SPIN3: variants seen among roughly 807,000 people sequenced by gnomAD.
SPIN3 encodes spindlin family member 3, also known as spindlin-3.
For missense variants in SPIN3, 176 were observed against 196.4 expected (o/e 0.90, Z 0.62); for synonymous variants, 74 against 74.3 (o/e 1.00, Z 0.02).
downstream of SPIN3, among the ~76,000 whole-genome samples, chrX:56,987,954 C>T (rs947097821): frequency 1.6e-4 from 18 of 111,761 alleles, no homozygotes; most frequent in African/African-American, 5.2e-4. Flanking sequence ...ATCTGTGCTG[C>T]ACTATGTTAC....
At chrX:56,978,126 TG>T (rs1288108549) in intron 5 of SPIN3, 1 of 111,290 alleles carries the variant, frequency 9.0e-6, no homozygotes, top group East Asian at 2.8e-4. Context: ...ATGGCCTACA[TG>T]TGATGTAGGA....
chrX:56,984,334 T>C (rs1924178458), exon 3 of SPIN3: 1 of 286,342 alleles, frequency 3.5e-6, no homozygotes, highest in Non-Finnish European at 6.6e-6. Context: ...GGAAACCATA[T>C]TGTCCCTCAA....
exon 6 of SPIN3, chrX:56,976,605 C>T (rs908486130): frequency 1.8e-5 from 2 of 111,169 alleles, no homozygotes; most frequent in African/African-American, 6.5e-5. Context: ...TTGTGAGTGG[C>T]TATGGAAACT....
At chrX:56,984,703 A>T (rs1263122464) in intron 2 of SPIN3, among the ~76,000 whole-genome samples, 1 of 110,967 alleles carries the variant, frequency 9.0e-6, no homozygotes, top group Non-Finnish European at 1.9e-5. Context: ...GTCCATGGTC[A>T]TCTGTTGTTC....
Position 56,994,661 on chromosome X carries a change from A to C in SPIN3, c.287T>G (p.Leu96Trp). ...KYDGFDCVYG[L>W]ELHRDERVSS... ...CACTCTTTCATCTCTGTGAAGTTCC[A>C]ATCCATAAACACAGTCAAATCCATC... The change falls in exon 2 of 2, where the codon TTG (leucine) becomes TGG (tryptophan). Residue 96 changes from leucine (L) to tryptophan (W), a missense_variant. Transcript: ENST00000374919. 1 of 1,212,142 alleles carries C rather than the reference A, an allele frequency of 8.2e-7. No homozygotes were observed.
chrX:56,992,612 T>A lies in SPIN3; in HGVS notation c.*1559A>T, dbSNP rs997733362. On this transcript the variant is annotated 3_prime_UTR_variant, in exon 2 of 2. Transcript: ENST00000374919. ...ATTTGGAAGATATCTTGCAGTACAGTCCCAATATGATTGTACTGCCTTGAG... is the reference window on the plus strand; with the variant it reads ...ATTTGGAAGATATCTTGCAGTACAGACCCAATATGATTGTACTGCCTTGAG... 6 of 295,077 alleles carry A rather than the reference T, an allele frequency of 2.0e-5. No homozygotes were observed. The highest frequency in any genetic ancestry group is 1.7e-4 in the African/African-American group (6 of 36,271). 24.3% of individuals were successfully genotyped at this position (295,077 alleles called of 1,213,427 possible).
At chrX:56,989,958 C>T (rs1388333378), downstream of SPIN3, among the ~76,000 whole-genome samples, 1 of 110,076 alleles carries the variant, frequency 9.1e-6, no homozygotes. Context: ...CCAAACCACC[C>T]CCCTCCCCTC....
At chrX:56,978,879 G>A (rs1035427420) in intron 3 of SPIN3, 1 of 111,624 alleles carries the variant, frequency 9.0e-6, no homozygotes, top group Non-Finnish European at 1.9e-5. Context: ...ATGATCTTAT[G>A]TGGAGTCTTG....
downstream of SPIN3, among the ~76,000 whole-genome samples, chrX:56,986,853 C>T (rs957905081): frequency 8.9e-6 from 1 of 112,092 alleles, no homozygotes; most frequent in Non-Finnish European, 1.9e-5. Flanking sequence ...TATTTAAGGC[C>T]GGGCATGGTG....
At chrX:56,977,462 AG>A (rs1190818276) in intron 5 of SPIN3, 1 of 112,181 alleles carries the variant, frequency 8.9e-6, no homozygotes, top group African/African-American at 3.2e-5. Flanking sequence ...TTTATAGAGG[AG>A]GATATATACT....
Position 56,992,182 on chromosome X carries a change from G to A in SPIN3, c.*1989C>T, listed in dbSNP as rs1924358035. On this transcript the variant is annotated 3_prime_UTR_variant, in exon 2 of 2. Transcript: ENST00000374919. ...GGTTCCTTCAGCAGCTGCAGCCTTG[G>A]CTGTCTTCCTCTTGACTGGGTGAAG... The A allele has an allele frequency of 6.7e-6, 2 of 297,545 alleles. No individual in the cohort carries two copies. Among genetic ancestry groups the A allele is most frequent in the Non-Finnish European group, 1.2e-5 (2 of 170,332 alleles). 24.5% of individuals were successfully genotyped at this position (297,545 alleles called of 1,213,427 possible).
intron 3 of SPIN3, chrX:56,982,254 C>G (rs1924136822): frequency 9.0e-6 from 1 of 111,166 alleles, no homozygotes; most frequent in African/African-American, 3.3e-5. Flanking sequence ...AACTCCTGCC[C>G]AGATTCAGGG....
chrX:56,994,911 G>C lies in SPIN3; in HGVS notation c.37C>G (p.Arg13Gly). 1.7e-6 allele frequency: 2 copies of C among 1,202,736 alleles called. No homozygotes were observed. Among genetic ancestry groups the C allele is most frequent in the Non-Finnish European group, 2.2e-6 (2 of 890,941 alleles). Residue 13 changes from arginine to glycine, a missense_variant, in exon 2 of 2, where the codon CGG (arginine) becomes GGG (glycine). Physicochemically the swap from Arg to Gly is moderately radical, Grantham distance 125 (BLOSUM62 -2). Coordinates refer to ENST00000374919, the MANE Select transcript of SPIN3 (RefSeq NM_001010862.3). ...TPFGKAAAGQ[R>G]SRTGAGHGSV... ...CCGTGGCCAGCGCCCGTCCTGGACCGCTGCCCTGCAGCTGCCTTTCCAAAC... is the reference window on the plus strand; with the variant it reads ...CCGTGGCCAGCGCCCGTCCTGGACCCCTGCCCTGCAGCTGCCTTTCCAAAC...
chrX:56,994,290 C>T lies in SPIN3; in HGVS notation c.658G>A (p.Asp220Asn). The change falls in exon 2 of 2, where the codon GAT becomes AAT. Residue 220 changes from aspartate (D) to asparagine (N), a missense_variant. Asp to Asn is a conservative substitution (Grantham distance 23). Coordinates refer to ENST00000374919, the MANE Select transcript of SPIN3 (RefSeq NM_001010862.3). The part of the protein sequence containing the change: ...VGKQVEYAKD[D>N]GSKRTGMVIH... Reference sequence around the variant, plus strand: ...ACCATGCCAGTTCTCTTGGAGCCATCGTCTTTGGCGTATTCCACCTGTTTG... The same window carrying T: ...ACCATGCCAGTTCTCTTGGAGCCATTGTCTTTGGCGTATTCCACCTGTTTG... 8.3e-7 allele frequency: 1 copy of T among 1,211,788 alleles called. No homozygotes were observed. The highest frequency in any genetic ancestry group is 1.1e-6 in the Non-Finnish European group (1 of 895,557).
intron 5 of SPIN3, chrX:56,977,485 T>C (rs1924029651): frequency 8.9e-6 from 1 of 112,234 alleles, no homozygotes; most frequent in South Asian, 3.7e-4. Flanking sequence ...TGGTTCTATT[T>C]CTACAACTTC....
At chrX:56,975,704 G>T (rs1308076427), downstream of SPIN3, 1 of 111,106 alleles carries the variant, frequency 9.0e-6, no homozygotes, top group Admixed American at 9.6e-5. Flanking sequence ...AAAGCCTGGG[G>T]TACGGCTGGC....
chrX:56,991,919 C>T lies in SPIN3; in HGVS notation c.*2252G>A, dbSNP rs898077262. 4 of 281,508 alleles carry T rather than the reference C, an allele frequency of 1.4e-5. No individual in the cohort carries two copies. The highest frequency in any genetic ancestry group is 8.3e-5 in the African/African-American group (3 of 36,190). 23.2% of individuals were successfully genotyped at this position (281,508 alleles called of 1,213,427 possible). ...ATTATACAATGACTCCCAAAGATAG[C>T]ATTAAAATACTCCAAATAATACAAT... is the stretch of plus-strand genomic sequence containing the variant. On this transcript the variant is annotated 3_prime_UTR_variant, in exon 2 of 2. Transcript: ENST00000374919.
intron 5 of SPIN3, chrX:56,977,976 T>G: frequency 9.0e-6 from 1 of 111,667 alleles, no homozygotes; most frequent in Non-Finnish European, 1.9e-5. Context: ...TTAAATAAAT[T>G]TTCAGGTATT....
Sources: gnomAD v4.1 joint callset for allele counts (sites outside exome capture counted in the v4.1 genomes callset) on GRCh38, gnomAD v4.1.1 for gene constraint, MANE v1.5 for transcripts, NCBI Gene and HGNC (gene_info 2026-07-23, HGNC 2026-07-21) for gene names.